HMGCLL1: variants seen among roughly 807,000 people sequenced by gnomAD.
HMGCLL1 encodes the protein 3-hydroxymethyl-3-methylglutaryl-CoA lyase, cytoplasmic.
Under a neutral mutation model 39.1 loss-of-function variants are expected in HMGCLL1, and 36 were observed. The observed-to-expected ratio is 0.92, with a 90% CI of 0.71 to 1.22. HMGCLL1 has a LOEUF of 1.22. HMGCLL1 is among the 50% of genes most tolerant of loss of function. The pLI, the probability that HMGCLL1 is intolerant of heterozygous loss-of-function variation, is 0.00. For missense variants in HMGCLL1, 451 were observed against 416.5 expected (o/e 1.08, Z -0.72); for synonymous variants, 149 against 144.0 (o/e 1.03, Z -0.25).
upstream of HMGCLL1, among the ~76,000 whole-genome samples, chr6:55,580,967 A>G (rs1002920194): frequency 2.6e-5 from 4 of 152,152 alleles, no homozygotes; most frequent in Admixed American, 1.3e-4. Flanking sequence ...TTCTCTCTAT[A>G]TTTAAATTCT....
chr6:55,544,244 T>C (rs887075795), intron 1 of HMGCLL1, among the ~76,000 whole-genome samples: 14 of 152,094 alleles, frequency 9.2e-5, no homozygotes, highest in Non-Finnish European at 1.5e-5. Flanking sequence ...ATGGATCTAG[T>C]TTAGAAGATA....
At chr6:55,447,571 T>C (rs1254865913) in intron 7 of HMGCLL1, among the ~76,000 whole-genome samples, 1 of 151,932 alleles carries the variant, frequency 6.6e-6, no homozygotes, top group Non-Finnish European at 1.5e-5. Flanking sequence ...TGGGAGTGTG[T>C]ACACTGAAGG....
At chr6:55,541,986 A>G in intron 2 of HMGCLL1, 74 bp downstream of exon 2, 1 of 1,056,630 alleles carries the variant, frequency 9.5e-7, no homozygotes, top group Non-Finnish European at 1.4e-6. Flanking sequence ...TAACATATGA[A>G]ATCCATGTAA....
the HMGCLL1 span, among the ~76,000 whole-genome samples, chr6:55,672,353 G>T: frequency 4.6e-5 from 7 of 151,582 alleles, no homozygotes; most frequent in Non-Finnish European, 8.9e-5. Flanking sequence ...TTTATAAAAT[G>T]AAAATTTATT....
intron 7 of HMGCLL1, among the ~76,000 whole-genome samples, chr6:55,494,508 T>G (rs1766479711): frequency 6.6e-6 from 1 of 152,212 alleles, no homozygotes; most frequent in African/African-American, 2.4e-5. Flanking sequence ...GAACGTTCTT[T>G]TCTTGCTGCC....
At chr6:55,488,797 A>G (rs1766173180) in intron 7 of HMGCLL1, among the ~76,000 whole-genome samples, 2 of 152,202 alleles carry the variant, frequency 1.3e-5, no homozygotes, top group Non-Finnish European at 2.9e-5. Context: ...TTTTATAAGA[A>G]TGAGCCACTG....
At chr6:55,482,262 T>C (rs916945196) in intron 7 of HMGCLL1, among the ~76,000 whole-genome samples, 1 of 152,156 alleles carries the variant, frequency 6.6e-6, no homozygotes, top group Non-Finnish European at 1.5e-5. Context: ...GTTCTGTGTC[T>C]TTTTTTAAAA....
upstream of HMGCLL1, among the ~76,000 whole-genome samples, chr6:55,582,599 A>G (rs905384769): frequency 4.6e-5 from 7 of 152,146 alleles, no homozygotes; most frequent in Admixed American, 4.6e-4. Flanking sequence ...GCAATATCAA[A>G]TTATACATGT....
At chr6:55,508,462 T>C (rs1366738545) in intron 5 of HMGCLL1, among the ~76,000 whole-genome samples, 1 of 151,864 alleles carries the variant, frequency 6.6e-6, no homozygotes, top group Admixed American at 6.6e-5. Context: ...TACTTATTAT[T>C]TCCAAACTTT....
intron 1 of HMGCLL1, among the ~76,000 whole-genome samples, chr6:55,562,711 A>G (rs1205237591): frequency 2.0e-5 from 3 of 152,164 alleles, no homozygotes; most frequent in African/African-American, 7.2e-5. Context: ...CTCAAAGACA[A>G]GAGTAGAACA....
the HMGCLL1 span, among the ~76,000 whole-genome samples, chr6:55,668,882 A>T: frequency 6.6e-6 from 1 of 151,726 alleles, no homozygotes; most frequent in African/African-American, 2.4e-5. Flanking sequence ...CAGCAACAGG[A>T]ATCAGTAGGG....
chr6:55,673,709 GATA>G, the HMGCLL1 span, among the ~76,000 whole-genome samples: 1 of 151,840 alleles, frequency 6.6e-6, no homozygotes, highest in Non-Finnish European at 1.5e-5. Flanking sequence ...AAGGGATGAT[GATA>G]ATAATAAAAA....
In HMGCLL1 at chr6:55,477,289, A is replaced by G. The variant is rs1561904753; in HGVS notation, c.795+18130T>C. Among the ~76,000 whole-genome samples, 12 of 16,132 alleles carry G rather than the reference A, an allele frequency of 7.4e-4. No individual in the cohort carries two copies. In the African/African-American group the frequency reaches 0.01, roughly 14 times the overall value. 10.6% of individuals were successfully genotyped at this position (16,132 alleles called of 152,430 possible). On this transcript the variant is annotated intron_variant, in intron 7 of 8. Transcript: ENST00000274901. ...ATATAATATATATTATATATTATATATAAAATAATATATATTATATATATA... is the reference window on the plus strand; with the variant it reads ...ATATAATATATATTATATATTATATGTAAAATAATATATATTATATATATA...
intron 5 of HMGCLL1, among the ~76,000 whole-genome samples, chr6:55,502,243 T>A (rs12192753): frequency 1.3e-5 from 2 of 151,450 alleles, no homozygotes; most frequent in Admixed American, 1.3e-4. Context: ...TTATTGCTGA[T>A]AGGAATTTTA....
chr6:55,579,345 T>A (rs1771929627), upstream of HMGCLL1: 5 of 498,964 alleles, frequency 1.0e-5, no homozygotes, highest in Admixed American at 1.3e-4. Flanking sequence ...TCCAGGGGTG[T>A]CTCATTTTCC....
the HMGCLL1 span, among the ~76,000 whole-genome samples, chr6:55,642,429 T>G: frequency 6.6e-6 from 1 of 151,896 alleles, no homozygotes; most frequent in African/African-American, 2.4e-5. Flanking sequence ...AAATTATGAG[T>G]CAATCTGAAT....
chr6:55,633,006 G>A, the HMGCLL1 span, among the ~76,000 whole-genome samples: 7 of 152,018 alleles, frequency 4.6e-5, no homozygotes, highest in Non-Finnish European at 8.8e-5. Context: ...CCTCCAGATT[G>A]GCAAGAATTT....
At chr6:55,641,971 A>G in the HMGCLL1 span, among the ~76,000 whole-genome samples, 1 of 141,942 alleles carries the variant, frequency 7.0e-6, no homozygotes, top group Non-Finnish European at 1.5e-5. Context: ...GGTTAGTTAC[A>G]TATGTATACA....
chr6:55,627,921 A>ATATATACT, the HMGCLL1 span, among the ~76,000 whole-genome samples: 9 of 2,106 alleles, frequency 4.3e-3, no homozygotes, highest in Admixed American at 0.026. Flanking sequence ...ATATATATAT[A>ATATATACT]ATATATATAC....
Sources: gnomAD v4.1 joint callset for allele counts (sites outside exome capture counted in the v4.1 genomes callset) on GRCh38, gnomAD v4.1.1 for gene constraint, MANE v1.5 for transcripts, NCBI Gene and HGNC (gene_info 2026-07-23, HGNC 2026-07-21) for gene names.